Variants in GRB10 observed in about 807,000 individuals in gnomAD.
The protein encoded by GRB10 is growth factor receptor bound protein 10.
GRB10 carries 20 observed loss-of-function variants against 80.9 expected under a neutral mutation model. The observed-to-expected ratio is 0.25, with a 90% CI of 0.17 to 0.36. The LOEUF (loss-of-function observed/expected upper bound fraction) is 0.36. Ranked by LOEUF, GRB10 falls within the 10% of genes least tolerant of loss-of-function variation. The pLI is 1.00. For missense variants in GRB10, 548 were observed against 747.7 expected, an observed-to-expected ratio of 0.73 and a Z score of 3.12; for synonymous variants, 291 against 291.5, an observed-to-expected ratio of 1.00 and a Z score of 0.02.
chr7:50,702,392 G>A (rs909275420), intron 5 of GRB10, among the ~76,000 whole-genome samples: 6 of 152,206 alleles, frequency 3.9e-5, no homozygotes, highest in African/African-American at 7.2e-5. Context: ...CACCCATGCC[G>A]CTTTGGGAGC....
chr7:50,697,205 A>C (rs2063545993), intron 5 of GRB10, among the ~76,000 whole-genome samples: 1 of 152,210 alleles, frequency 6.6e-6, no homozygotes, highest in Admixed American at 6.5e-5. Context: ...AGAGTTTTGG[A>C]AACAGATAAA....
chr7:50,624,100 G>T (rs1006964624), intron 8 of GRB10, among the ~76,000 whole-genome samples: 1 of 152,154 alleles, frequency 6.6e-6, no homozygotes, highest in Non-Finnish European at 1.5e-5. Flanking sequence ...AATTATGGGG[G>T]GGTTGGGTTA....
intron 17 of GRB10, among the ~76,000 whole-genome samples, chr7:50,597,007 A>T (rs2046775879): frequency 6.6e-6 from 1 of 152,258 alleles, no homozygotes; most frequent in South Asian, 2.1e-4. Flanking sequence ...AAATGTATCC[A>T]AAACCAAACT....
At chr7:50,650,546 C>G (rs1159375556) in intron 7 of GRB10, among the ~76,000 whole-genome samples, 1 of 152,196 alleles carries the variant, frequency 6.6e-6, no homozygotes, top group Non-Finnish European at 1.5e-5. Flanking sequence ...AAAAGAAAAT[C>G]AATGACTACA....
intron 18 of GRB10, among the ~76,000 whole-genome samples, chr7:50,594,166 T>C (rs1196655988): frequency 6.6e-6 from 1 of 152,202 alleles, no homozygotes; most frequent in Admixed American, 6.5e-5. Context: ...GGCTGGAAGC[T>C]GGGAAGGCTG....
intron 7 of GRB10, among the ~76,000 whole-genome samples, chr7:50,631,492 A>G (rs1393062973): frequency 6.6e-6 from 1 of 152,240 alleles, no homozygotes; most frequent in Admixed American, 6.5e-5. Context: ...ATGATCTAGC[A>G]TACTTTTTAG....
At chr7:50,748,278 G>A (rs1187322554) in intron 3 of GRB10, among the ~76,000 whole-genome samples, 1 of 152,202 alleles carries the variant, frequency 6.6e-6, no homozygotes, top group East Asian at 1.9e-4. Flanking sequence ...GCCCATGACG[G>A]AGTAGCCATG....
At chr7:50,668,666 C>T (rs1388986857) in intron 7 of GRB10, among the ~76,000 whole-genome samples, 3 of 152,250 alleles carry the variant, frequency 2.0e-5, no homozygotes, top group African/African-American at 4.8e-5. Context: ...AAATCCCTCA[C>T]TCCATAAACA....
chr7:50,729,523 AAC>A (rs1433493441), intron 4 of GRB10: 1 of 152,220 alleles, frequency 6.6e-6, no homozygotes, highest in Non-Finnish European at 1.5e-5. Flanking sequence ...GGAGAATGAT[AAC>A]ACAGTGTCCA....
At chr7:50,674,149 C>T (rs2060645689) in intron 6 of GRB10, among the ~76,000 whole-genome samples, 1 of 152,180 alleles carries the variant, frequency 6.6e-6, no homozygotes, top group African/African-American at 2.4e-5. Context: ...AGAGATTTTT[C>T]CTCTGGTGGT....
intron 4 of GRB10, among the ~76,000 whole-genome samples, chr7:50,731,568 G>T (rs553879985): frequency 2.6e-5 from 4 of 152,142 alleles, no homozygotes; most frequent in Non-Finnish European, 5.9e-5. Context: ...CAGGATTCGC[G>T]AATCAAATCT....
chr7:50,743,441 G>A (rs976661801), intron 3 of GRB10, among the ~76,000 whole-genome samples: 3 of 152,208 alleles, frequency 2.0e-5, no homozygotes, highest in East Asian at 1.9e-4. Flanking sequence ...GTCAGATCAC[G>A]CAGTGCTGCG....
chr7:50,600,765 G>A (rs1024654428), intron 17 of GRB10, among the ~76,000 whole-genome samples: 3 of 152,146 alleles, frequency 2.0e-5, no homozygotes, highest in Non-Finnish European at 4.4e-5. Context: ...TACATGAAAC[G>A]AGGGTCAGCC....
At chr7:50,776,007 T>C (rs774857474) in intron 2 of GRB10, among the ~76,000 whole-genome samples, 35 of 152,212 alleles carry the variant, frequency 2.3e-4, no homozygotes, top group Non-Finnish European at 3.5e-4. Context: ...CTTGGTACTC[T>C]GGGCCTCTGA....
intron 13 of GRB10, among the ~76,000 whole-genome samples, chr7:50,612,159 TC>T (rs2049656319): frequency 6.6e-6 from 1 of 152,238 alleles, no homozygotes; most frequent in Middle Eastern, 3.2e-3. Context: ...GGAGCTTCAG[TC>T]AACTGTATAA....
At chr7:50,614,948 A>C in intron 11 of GRB10, 68 bp from the exon 12 acceptor site, 1 of 962,862 alleles carries the variant, frequency 1.0e-6, no homozygotes, top group Non-Finnish European at 1.7e-6. Flanking sequence ...CCTCTGGTAG[A>C]CAGAGGGCAG....
intron 5 of GRB10, among the ~76,000 whole-genome samples, chr7:50,698,419 A>G (rs1405045391): frequency 6.6e-6 from 1 of 152,254 alleles, no homozygotes; most frequent in Non-Finnish European, 1.5e-5. Context: ...CTCACTATTC[A>G]TTAATTCTTG....
chr7:50,708,515 G>A (rs2065345915), intron 4 of GRB10, among the ~76,000 whole-genome samples: 1 of 152,178 alleles, frequency 6.6e-6, no homozygotes, highest in Non-Finnish European at 1.5e-5. Context: ...GCTCTGCCAG[G>A]TGCAGGGTAA....
chr7:50,617,927 C>G (rs1232792020), intron 10 of GRB10, 144 bp downstream of exon 10: 8 of 758,594 alleles, frequency 1.1e-5, no homozygotes, highest in Non-Finnish European at 1.6e-5. Flanking sequence ...ACCCTCCCCC[C>G]AACCACCCCT....
Sources: allele counts gnomAD v4.1 joint callset (sites outside exome capture counted in the v4.1 genomes callset), GRCh38; gene constraint gnomAD v4.1.1; transcripts MANE v1.5; gene names NCBI Gene and HGNC (gene_info 2026-07-23, HGNC 2026-07-21).